CACNA2D3: variants seen among roughly 807,000 people sequenced by gnomAD.
The protein encoded by CACNA2D3 is calcium voltage-gated channel auxiliary subunit alpha2delta 3.
CACNA2D3 carries 60 observed loss-of-function variants against 160.6 expected under a neutral mutation model. That is an observed-to-expected ratio of 0.37 (90% CI 0.30 to 0.46). The LOEUF is 0.46. Among genes scored for constraint, CACNA2D3 ranks in the 20% least tolerant of loss-of-function variants. The pLI is 1.00. For missense variants in CACNA2D3, 1,205 were observed against 1,365.0 expected, an observed-to-expected ratio of 0.88 and a Z score of 1.85; for synonymous variants, 558 against 492.9, an observed-to-expected ratio of 1.13 and a Z score of -1.75.
chr3:54,465,724 T>C (rs1304995790), intron 4 of CACNA2D3, among the ~76,000 whole-genome samples: 2 of 152,222 alleles, frequency 1.3e-5, no homozygotes, highest in East Asian at 3.8e-4. Flanking sequence ...TACTTTTGCA[T>C]CAACCTAGAG....
chr3:54,355,546 A>G (rs1308134437), intron 3 of CACNA2D3, among the ~76,000 whole-genome samples: 1 of 152,272 alleles, frequency 6.6e-6, no homozygotes, highest in Non-Finnish European at 1.5e-5. Context: ...TGTGTTGGCC[A>G]TGGGGGAGCA....
chr3:54,122,677 G>C lies in CACNA2D3; in HGVS notation c.-37G>C, dbSNP rs930684799. Reference sequence around the variant, plus strand: ...CGCGCAGCTCCCCGCGGCCGCTCTCGTCGCCGCCGCAGCGGGCGCGTCGGA... The same window carrying C: ...CGCGCAGCTCCCCGCGGCCGCTCTCCTCGCCGCCGCAGCGGGCGCGTCGGA... On this transcript the variant is annotated 5_prime_UTR_variant, in exon 1 of 38. Transcript: ENST00000474759. 1.9e-6 allele frequency: 2 copies of C among 1,065,350 alleles called. No homozygotes were observed. The highest frequency in any genetic ancestry group is 3.4e-5 in the African/African-American group (2 of 58,532). 66.0% of individuals were successfully genotyped at this position (1,065,350 alleles called of 1,614,324 possible).
At chr3:54,664,832 G>T (rs1032477978) in intron 11 of CACNA2D3, among the ~76,000 whole-genome samples, 1 of 152,188 alleles carries the variant, frequency 6.6e-6, no homozygotes, top group African/African-American at 2.4e-5. Context: ...GGGCAAACCC[G>T]TGGCTGGAGG....
intron 35 of CACNA2D3, among the ~76,000 whole-genome samples, chr3:55,036,165 G>A (rs1396871342): frequency 2.0e-5 from 3 of 152,146 alleles, no homozygotes; most frequent in African/African-American, 7.2e-5. Flanking sequence ...AAACACCCTT[G>A]ACCAGGTGCA....
chr3:55,045,376 A>G lies in CACNA2D3; in HGVS notation c.2987+27059A>G, dbSNP rs184235041. Among the ~76,000 whole-genome samples the G allele has an allele frequency of 2.2e-4, 33 of 152,272 alleles. No homozygotes were observed. In the East Asian group the frequency reaches 2.9e-3, roughly 13 times the overall value. ...ATAGTGGTCTTTTTATAATGCTGTCATCTGGTTTTGATATCAGGATGATGC... is the reference window on the plus strand; with the variant it reads ...ATAGTGGTCTTTTTATAATGCTGTCGTCTGGTTTTGATATCAGGATGATGC... On this transcript the variant is annotated intron_variant, in intron 35 of 37. Coordinates refer to ENST00000474759, the MANE Select transcript of CACNA2D3 (RefSeq NM_018398.3).
At chr3:54,367,625 A>G (rs1425744999) in intron 3 of CACNA2D3, 1 of 328,592 alleles carries the variant, frequency 3.0e-6, no homozygotes, top group South Asian at 2.3e-5. Flanking sequence ...GGCTTGAACG[A>G]CCCCTGGCCA....
At chr3:54,361,748 A>G (rs1055037973) in intron 3 of CACNA2D3, among the ~76,000 whole-genome samples, 18 of 152,202 alleles carry the variant, frequency 1.2e-4, no homozygotes, top group Non-Finnish European at 2.6e-4. Flanking sequence ...TGGGAATGAT[A>G]GTAGCTGCCT....
At chr3:54,481,857 C>T (rs993367630) in intron 4 of CACNA2D3, among the ~76,000 whole-genome samples, 4 of 152,180 alleles carry the variant, frequency 2.6e-5, no homozygotes, top group African/African-American at 4.8e-5. Flanking sequence ...GCTCACACCA[C>T]GTTACCATAT....
chr3:54,821,719 CTCTCTCTCTCTCTCTCTT>C (rs1559595016), intron 14 of CACNA2D3, among the ~76,000 whole-genome samples: 2 of 63,508 alleles, frequency 3.1e-5, no homozygotes, highest in South Asian at 5.0e-4. Flanking sequence ...CTTCTTTCCT[CTCTCTCTCTCTCTCTCTT>C]TCTCTCTCTC....
chr3:54,250,183 C>T (rs978123910), intron 2 of CACNA2D3, among the ~76,000 whole-genome samples: 8 of 152,048 alleles, frequency 5.3e-5, no homozygotes, highest in Admixed American at 5.2e-4. Context: ...CAGGCAAAAT[C>T]CTGATTTTGT....
At chr3:54,634,786 C>G (rs1008743751) in intron 10 of CACNA2D3, among the ~76,000 whole-genome samples, 74 of 152,250 alleles carry the variant, frequency 4.9e-4, no homozygotes, top group African/African-American at 1.7e-3. Flanking sequence ...TGGCCATTTA[C>G]ACTTCTTTTG....
At chr3:54,134,754 C>T (rs1254428214) in intron 2 of CACNA2D3, among the ~76,000 whole-genome samples, 2 of 152,228 alleles carry the variant, frequency 1.3e-5, no homozygotes, top group African/African-American at 4.8e-5. Context: ...TCCTAGCTGG[C>T]CTTCCCCCTC....
intron 27 of CACNA2D3, among the ~76,000 whole-genome samples, chr3:54,953,470 G>A (rs968095931): frequency 7.9e-5 from 12 of 152,168 alleles, no homozygotes; most frequent in Non-Finnish European, 1.6e-4. Flanking sequence ...AAGATCATGG[G>A]ACGCAGCTGA....
At chr3:54,347,398 A>T (rs919985524) in intron 3 of CACNA2D3, among the ~76,000 whole-genome samples, 7 of 152,142 alleles carry the variant, frequency 4.6e-5, no homozygotes, top group African/African-American at 1.7e-4. Context: ...GTAATATGAA[A>T]TCCCTTTCAT....
intron 11 of CACNA2D3, among the ~76,000 whole-genome samples, chr3:54,655,001 G>A (rs368814926): frequency 2.2e-4 from 33 of 152,188 alleles, no homozygotes; most frequent in African/African-American, 6.8e-4. Context: ...GGTTTGCAGA[G>A]CCCCAGCGCC....
intron 35 of CACNA2D3, among the ~76,000 whole-genome samples, chr3:55,032,724 A>G (rs1227141944): frequency 6.6e-6 from 1 of 152,134 alleles, no homozygotes; most frequent in Admixed American, 6.6e-5. Context: ...CTTGATGTGA[A>G]TATTACAAGG....
At chr3:54,556,180 T>C (rs1702239574) in intron 5 of CACNA2D3, among the ~76,000 whole-genome samples, 2 of 152,110 alleles carry the variant, frequency 1.3e-5, no homozygotes, top group South Asian at 4.1e-4. Flanking sequence ...CCTGCAAATG[T>C]GGTTTTATTT....
At chr3:54,281,501 G>T (rs138347027) in intron 2 of CACNA2D3, among the ~76,000 whole-genome samples, 2 of 152,004 alleles carry the variant, frequency 1.3e-5, no homozygotes, top group Non-Finnish European at 2.9e-5. Context: ...ACCCCAGAGC[G>T]CACTCAAACA....
At position 55,009,163 on chromosome 3, in the gene CACNA2D3, G is replaced by A. The variant is rs531168437; in HGVS notation, c.2820-225G>A. 2.0e-5 allele frequency among the ~76,000 whole-genome samples: 3 copies of A among 152,264 alleles called. No individual in the cohort carries two copies. In the South Asian group the frequency reaches 6.2e-4, roughly 32 times the overall value. ...ATACAGCAGGTTATTCCTCATCTAG[G>A]AATCTTTGAGTCTAGGTGAACCTGG... On this transcript the variant is annotated intron_variant, in intron 33 of 37. Coordinates refer to ENST00000474759, the MANE Select transcript of CACNA2D3 (RefSeq NM_018398.3).
Sources: gnomAD v4.1 joint callset for allele counts (sites outside exome capture counted in the v4.1 genomes callset) on GRCh38, gnomAD v4.1.1 for gene constraint, MANE v1.5 for transcripts, NCBI Gene and HGNC (gene_info 2026-07-23, HGNC 2026-07-21) for gene names.